The following DPYSL5 variants were observed in gnomAD, a reference collection of about 807,000 sequenced individuals.
The protein encoded by DPYSL5 is dihydropyrimidinase like 5.
Under a neutral mutation model 58.4 loss-of-function variants are expected in DPYSL5, and 9 were observed. The observed-to-expected ratio is 0.15, with a 90% CI of 0.09 to 0.27. The LOEUF (loss-of-function observed/expected upper bound fraction) is 0.27, where lower values mean the gene tolerates loss of function less well. Ranked by LOEUF, DPYSL5 falls within the 10% of genes least tolerant of loss-of-function variation. DPYSL5 has a pLI of 1.00. For synonymous variants in DPYSL5, 293 were observed against 301.9 expected, an observed-to-expected ratio of 0.97 and a Z score of 0.31; for missense variants, 499 against 770.6, an observed-to-expected ratio of 0.65 and a Z score of 4.17.
intron 1 of DPYSL5, among the ~76,000 whole-genome samples, chr2:26,892,105 C>A (rs998820005): frequency 1.3e-5 from 2 of 152,186 alleles, no homozygotes; most frequent in South Asian, 4.1e-4. Context: ...AGAGTTAATT[C>A]CCTTAAGTCA....
At chr2:26,855,693 C>A (rs1434430457) in intron 1 of DPYSL5, among the ~76,000 whole-genome samples, 1 of 152,140 alleles carries the variant, frequency 6.6e-6, no homozygotes, top group Non-Finnish European at 1.5e-5. Context: ...TTCTAAGCTG[C>A]CCCTTTGTTG....
At chr2:26,909,030 T>C (rs1664366957) in intron 2 of DPYSL5, among the ~76,000 whole-genome samples, 1 of 152,226 alleles carries the variant, frequency 6.6e-6, no homozygotes, top group African/African-American at 2.4e-5. Flanking sequence ...GCCATATTTG[T>C]GTTGAAAATA....
intron 8 of DPYSL5, among the ~76,000 whole-genome samples, chr2:26,936,898 A>G (rs1172594078): frequency 7.1e-6 from 1 of 141,556 alleles, no homozygotes; most frequent in Non-Finnish European, 1.5e-5. Context: ...GTGAGCTGAG[A>G]TCGCACAACT....
At chr2:26,930,265 T>A (rs934887579) in intron 5 of DPYSL5, among the ~76,000 whole-genome samples, 1 of 152,204 alleles carries the variant, frequency 6.6e-6, no homozygotes, top group Non-Finnish European at 1.5e-5. Flanking sequence ...ACTTTCTTTG[T>A]TACTTAATAC....
chr2:26,915,435 T>C (rs2148150290), intron 2 of DPYSL5, among the ~76,000 whole-genome samples: 1 of 152,346 alleles, frequency 6.6e-6, no homozygotes, highest in African/African-American at 2.4e-5. Flanking sequence ...AATGTCGCTC[T>C]GAGCTCCAAA....
intron 1 of DPYSL5, among the ~76,000 whole-genome samples, chr2:26,857,822 T>C (rs1432581895): frequency 6.6e-6 from 1 of 152,164 alleles, no homozygotes; most frequent in East Asian, 1.9e-4. Context: ...CTGCAACTAA[T>C]GAAAAAAGTA....
At chr2:26,876,846 A>G (rs990846259) in intron 1 of DPYSL5, among the ~76,000 whole-genome samples, 12 of 151,546 alleles carry the variant, frequency 7.9e-5, no homozygotes, top group African/African-American at 2.4e-4. Context: ...TGTTAAAGAA[A>G]TATACAAGAG....
At chr2:26,867,455 G>GTT (rs1342920316) in intron 1 of DPYSL5, among the ~76,000 whole-genome samples, 85 of 132,214 alleles carry the variant, frequency 6.4e-4, no homozygotes, top group African/African-American at 2.4e-3. Context: ...TTTTTTTTTT[G>GTT]TTTGTTTTTT....
At position 26,898,730 on chromosome 2, in the gene DPYSL5, G is replaced by A. The variant is rs146557773; in HGVS notation, c.231G>A (p.Thr77=). Residue 77 remains threonine (T), a synonymous_variant, in exon 2 of 13, where the codon ACG becomes ACA. Coordinates refer to ENST00000288699, the MANE Select transcript of DPYSL5 (RefSeq NM_020134.4). The surrounding 1 kb of genome is among the most constrained non-coding windows in gnomAD (Gnocchi z 6.1). ...THFHQTFMNA[T]CVDDFYHGTK... ...TCCACCAGACCTTCATGAATGCCACGTGCGTGGACGACTTCTACCATGGGA... is the reference window on the plus strand; with the variant it reads ...TCCACCAGACCTTCATGAATGCCACATGCGTGGACGACTTCTACCATGGGA... The A allele has an allele frequency of 1.6e-5, 25 of 1,612,144 alleles. No homozygotes were observed. The highest frequency in any genetic ancestry group is 5.0e-5 in the Admixed American group (3 of 59,956).
intron 2 of DPYSL5, among the ~76,000 whole-genome samples, chr2:26,911,087 T>G (rs1664429007): frequency 6.6e-6 from 1 of 150,558 alleles, no homozygotes; most frequent in Admixed American, 6.6e-5. Context: ...CAGTTTTTTT[T>G]TTTTTTTTTT....
intron 1 of DPYSL5, among the ~76,000 whole-genome samples, chr2:26,896,159 G>T (rs1320587063): frequency 1.3e-5 from 2 of 151,940 alleles, no homozygotes; most frequent in African/African-American, 4.8e-5. Flanking sequence ...TCTGTGCTTG[G>T]CTTATTTTAC....
intron 1 of DPYSL5, among the ~76,000 whole-genome samples, chr2:26,859,422 A>C (rs1430282090): frequency 6.6e-6 from 1 of 151,860 alleles, no homozygotes; most frequent in Non-Finnish European, 1.5e-5. Flanking sequence ...TAGTTTTCAC[A>C]TTAAGAGAAA....
intron 9 of DPYSL5, 44 bp from the exon 10 acceptor site, chr2:26,941,906 A>G (rs1665330665): frequency 6.2e-7 from 1 of 1,612,588 alleles, no homozygotes. Flanking sequence ...TTTGAGACCC[A>G]CCCCCAGAGC....
At position 26,933,388 on chromosome 2, in the gene DPYSL5, G is replaced by A. The variant is rs1665087361; in HGVS notation, c.790+55G>A. On this transcript the variant is annotated intron_variant, in intron 7 of 12. Transcript: ENST00000288699. The surrounding 1 kb of genome is among the most constrained non-coding windows in gnomAD (Gnocchi z 4.2). Reference sequence around the variant, plus strand: ...AGGTCAAGTGGAGGGACTGGAGATGGATGGGGCCCATTAGCCGTGCTCACT... The same window carrying A: ...AGGTCAAGTGGAGGGACTGGAGATGAATGGGGCCCATTAGCCGTGCTCACT... 57 of 1,542,436 alleles carry A rather than the reference G, an allele frequency of 3.7e-5. No homozygotes were observed. The highest frequency in any genetic ancestry group is 5.0e-5 in the Non-Finnish European group (56 of 1,117,894).
At chr2:26,908,178 T>G (rs971613279) in intron 2 of DPYSL5, among the ~76,000 whole-genome samples, 11 of 152,242 alleles carry the variant, frequency 7.2e-5, no homozygotes, top group Non-Finnish European at 1.6e-4. Flanking sequence ...TTGATCAAAG[T>G]CAGATCCCTT....
intron 1 of DPYSL5, among the ~76,000 whole-genome samples, chr2:26,876,880 C>T (rs1663422785): frequency 6.6e-6 from 1 of 151,794 alleles, no homozygotes; most frequent in African/African-American, 2.4e-5. Context: ...AGTGGCTTTG[C>T]CTGACCTGGC....
Position 26,944,853 on chromosome 2 carries a change from A to AT in DPYSL5, c.1609+30dup. 6.2e-7 allele frequency: 1 copy of AT among 1,609,468 alleles called. No individual in the cohort carries two copies. On this transcript the variant is annotated intron_variant, in intron 12 of 12. Coordinates refer to ENST00000288699, the MANE Select transcript of DPYSL5 (RefSeq NM_020134.4). The surrounding 1 kb of genome is among the most constrained non-coding windows in gnomAD (Gnocchi z 4.4). ...AGAGTCAGGGGGCCACGGGAGGAGG[A>AT]TGGGGGTCTGGGAGAAGTGGCCCAC...
At chr2:26,854,648 A>T (rs1665834465) in intron 1 of DPYSL5, among the ~76,000 whole-genome samples, 1 of 152,106 alleles carries the variant, frequency 6.6e-6, no homozygotes. Flanking sequence ...TAGAATTTGG[A>T]CCTCTTTTCT....
Position 26,931,153 on chromosome 2 carries a change from A to G in DPYSL5, c.670-487A>G, listed in dbSNP as rs1478540466. Among the ~76,000 whole-genome samples the G allele has an allele frequency of 7.3e-5, 2 of 27,292 alleles. 1 individual carries two copies. Among genetic ancestry groups the G allele is most frequent in the Non-Finnish European group, 1.7e-4 (2 of 12,018 alleles). 17.9% of individuals were successfully genotyped at this position (27,292 alleles called of 152,430 possible). On this transcript the variant is annotated intron_variant, in intron 5 of 12. Coordinates refer to ENST00000288699, the MANE Select transcript of DPYSL5 (RefSeq NM_020134.4). ...GACCCTATCTAAAAAAAAAAAAAAAATATATATATATATATATGTGTGTGT... is the reference window on the plus strand; with the variant it reads ...GACCCTATCTAAAAAAAAAAAAAAAGTATATATATATATATATGTGTGTGT...
Sources: gnomAD v4.1 joint callset for allele counts (sites outside exome capture counted in the v4.1 genomes callset) on GRCh38, gnomAD v4.1.1 for gene constraint, Gnocchi (gnomAD v3.1) non-coding constraint, MANE v1.5 for transcripts, NCBI Gene and HGNC (gene_info 2026-07-23, HGNC 2026-07-21) for gene names.